DDX11: variants seen among roughly 807,000 people sequenced by gnomAD.
DDX11 encodes the protein DEAD/H-box helicase 11, also known as ATP-dependent DNA helicase DDX11.
A neutral mutation model predicts 125.2 loss-of-function variants in DDX11; 72 were observed. The observed-to-expected ratio is 0.58, with a 90% CI of 0.48 to 0.70. The LOEUF (loss-of-function observed/expected upper bound fraction) is 0.70. Among genes scored for constraint, DDX11 ranks in the 30% least tolerant of loss-of-function variants. The pLI, the probability that DDX11 is intolerant of heterozygous loss-of-function variation, is 0.00. For missense variants in DDX11, 883 were observed against 1,165.0 expected, an observed-to-expected ratio of 0.76 and a Z score of 3.52; for synonymous variants, 347 against 452.6, an observed-to-expected ratio of 0.77 and a Z score of 2.96.
rs749934019 is a variant in DDX11, at chr12:31,084,986, AAG to A, written c.504_505del (p.Asn169SerfsTer16). 11 of 1,609,118 alleles carry A rather than the reference AAG, an allele frequency of 6.8e-6. No individual in the cohort carries two copies. The highest frequency in any genetic ancestry group is 1.3e-5 in the African/African-American group (1 of 74,804). ...CTGTCCAGAGGCAGGAAGAAGAAGA[AAG>A]AGAGAATCTCCTCCGCCTCAGCAGG... ...AKRLRQEEEERENLLRLSREM... is the reference protein window; with the variant it reads ...AKRLRQEEEEXENLLRLSREM... On this transcript the variant is annotated frameshift_variant, in exon 5 of 27. Transcript: ENST00000542838. LOFTEE classifies it high-confidence loss of function.
At chr12:31,099,080 C>CTTTTTTTTTTTGTTTTTTTTT in intron 18 of DDX11, among the ~76,000 whole-genome samples, 1 of 81,320 alleles carries the variant, frequency 1.2e-5, no homozygotes, top group African/African-American at 6.3e-5. Context: ...TTCTTTCTTT[C>CTTTTTTTTTTTGTTTTTTTTT]TTTCTTTTTT....
At chr12:31,077,112 A>G (rs1328569475) in intron 1 of DDX11, 1 of 152,112 alleles carries the variant, frequency 6.6e-6, no homozygotes, top group Non-Finnish European at 1.5e-5. Flanking sequence ...ATATTAGTAA[A>G]ATGGGTTTGG....
At chr12:31,100,602 A>G in intron 18 of DDX11, 33 bp from the exon 19 acceptor site, 2 of 1,549,282 alleles carry the variant, frequency 1.3e-6, no homozygotes, top group Non-Finnish European at 1.7e-6. Flanking sequence ...CTGAGGGGTC[A>G]TGGGGCCGTG....
chr12:31,080,250 C>T (rs1345435235), intron 2 of DDX11, among the ~76,000 whole-genome samples: 3 of 150,952 alleles, frequency 2.0e-5, no homozygotes, highest in South Asian at 2.1e-4. Flanking sequence ...CAGGTACAGA[C>T]GCTGAAGCCC....
rs1467965765 is a variant in DDX11, at chr12:31,099,080, C to CTT, written c.1875+1085_1875+1086dup. ...AATCCATACTGGTATTTCTTTCTTT[C>CTT]TTTCTTTTTTTTTTTTTTTTTTTTT... On this transcript the variant is annotated intron_variant, in intron 18 of 26. Coordinates refer to ENST00000542838, the MANE Select transcript of DDX11 (RefSeq NM_030653.4). Among the ~76,000 whole-genome samples, 673 of 81,054 alleles carry CTT rather than the reference C, an allele frequency of 8.3e-3. 79 individuals carry two copies. Among genetic ancestry groups the CTT allele is most frequent in the South Asian group, 0.04 (90 of 2,260 alleles). The allele number at this position is 81,054 out of a possible 152,430, so 53.2% of individuals were successfully genotyped here.
rs1426581828 is a variant in DDX11, at chr12:31,085,036, A to G, written c.548A>G (p.Glu183Gly). ...AGGGAGATGCTAGAGACAGGCCCGG[A>G]GGCTGAGCGGCTGGAGCAGCTGGAG... is the stretch of plus-strand genomic sequence containing the variant. ...LSREMLETGP[E>G]AERLEQLESG... is the part of the protein sequence containing the mutation. The change falls in exon 5 of 27, where the codon GAG becomes GGG. Residue 183 changes from glutamate (E) to glycine (G), a missense_variant. Coordinates refer to ENST00000542838, the MANE Select transcript of DDX11 (RefSeq NM_030653.4). 6.2e-7 allele frequency: 1 copy of G among 1,611,804 alleles called. No homozygotes were observed. Among genetic ancestry groups the G allele is most frequent in the Admixed American group, 1.7e-5 (1 of 59,768 alleles).
At position 31,085,009 on chromosome 12, in the gene DDX11, G is replaced by T; in HGVS notation, c.521G>T (p.Ser174Ile). 1 of 1,611,326 alleles carries T rather than the reference G, an allele frequency of 6.2e-7. No homozygotes were observed. The highest frequency in any genetic ancestry group is 8.5e-7 in the Non-Finnish European group (1 of 1,178,614). ...EEERENLLRL[S>I]REMLETGPEA... Reference sequence around the variant, plus strand: ...GAAAGAGAGAATCTCCTCCGCCTCAGCAGGGAGATGCTAGAGACAGGCCCG... The same window carrying T: ...GAAAGAGAGAATCTCCTCCGCCTCATCAGGGAGATGCTAGAGACAGGCCCG... Residue 174 changes from serine (S) to isoleucine (I), a missense_variant, in exon 5 of 27, where the codon AGC becomes ATC. Physicochemically the swap from Ser to Ile is moderately radical, Grantham distance 142. Transcript: ENST00000542838.
intron 2 of DDX11, among the ~76,000 whole-genome samples, chr12:31,081,078 C>T (rs1941827665): frequency 6.6e-6 from 1 of 152,226 alleles, no homozygotes; most frequent in Non-Finnish European, 1.5e-5. Context: ...AACCCATCTT[C>T]TCCCTCTCAG....
At chr12:31,080,650 A>G (rs1941731936) in intron 2 of DDX11, among the ~76,000 whole-genome samples, 1 of 151,758 alleles carries the variant, frequency 6.6e-6, no homozygotes, top group South Asian at 2.1e-4. Flanking sequence ...CCTAAAACAT[A>G]TTACTCCTTC....
rs748004938 is a variant in DDX11 at position 31,103,562 on chromosome 12, T to C, written c.2537-15T>C. 50 of 1,613,702 alleles carry C rather than the reference T, an allele frequency of 3.1e-5. 1 individual carries two copies. In the Middle Eastern group the frequency reaches 1.8e-3, roughly 58 times the overall value. ...GCAGGTGTTGCTCGGAGCCCCAGCC[T>C]CTGTTCCTATGCAGGCAGGGCCATC... is the stretch of plus-strand genomic sequence containing the variant. On this transcript the variant is annotated splice_polypyrimidine_tract_variant and intron_variant, in intron 25 of 26. Transcript: ENST00000542838.
chr12:31,102,478 G>C lies in DDX11; in HGVS notation c.2323G>C (p.Val775Leu). 1 of 1,614,086 alleles carries C rather than the reference G, an allele frequency of 6.2e-7. No individual in the cohort carries two copies. Among genetic ancestry groups the C allele is most frequent in the East Asian group, 2.2e-5 (1 of 44,872 alleles). ...QVTGALLLSV[V>L]GGKMSEGINF... Reference sequence around the variant, plus strand: ...GACAGGGGCCCTGCTCCTCTCTGTGGTTGGAGGAAAGATGAGTGAAGGGAT... The same window carrying C: ...GACAGGGGCCCTGCTCCTCTCTGTGCTTGGAGGAAAGATGAGTGAAGGGAT... Residue 775 changes from valine (V) to leucine (L), a missense_variant, in exon 23 of 27, where the codon GTT becomes CTT. Physicochemically the swap from Val to Leu is conservative, Grantham distance 32. Coordinates refer to ENST00000542838, the MANE Select transcript of DDX11 (RefSeq NM_030653.4).
Position 31,093,444 on chromosome 12 carries a change from G to A in DDX11, c.1369+120G>A, listed in dbSNP as rs542208103. ...TTTTTAAGAAGGGTCGGCCGGGTGC[G>A]GTGGCTCACGCCTGTAATCCCAGCA... On this transcript the variant is annotated intron_variant, in intron 12 of 26. Coordinates refer to ENST00000542838, the MANE Select transcript of DDX11 (RefSeq NM_030653.4). The A allele has an allele frequency of 4.5e-5, 60 of 1,341,842 alleles. No individual in the cohort carries two copies. The African/African-American group carries it at 5.2e-4, about 12-fold the overall frequency. 83.1% of individuals were successfully genotyped at this position (1,341,842 alleles called of 1,614,324 possible). A position where few individuals can be genotyped will look rare whatever the true frequency, so the allele number is the denominator to read the frequency against.
intron 13 of DDX11, 54 bp downstream of exon 13, chr12:31,094,688 T>C (rs1944907492): frequency 1.9e-6 from 3 of 1,551,094 alleles, no homozygotes; most frequent in African/African-American, 2.7e-5. Context: ...CTTCCGAGCT[T>C]AACCCTGGGA....
intron 17 of DDX11, 24 bp downstream of exon 17, chr12:31,097,014 G>A (rs747587361): frequency 1.2e-6 from 2 of 1,612,850 alleles, no homozygotes; most frequent in Non-Finnish European, 1.7e-6. Flanking sequence ...TCTTGGCCAG[G>A]TTCAGTTCCC....
chr12:31,100,801 G>T, intron 19 of DDX11, 94 bp downstream of exon 19: 1 of 1,417,390 alleles, frequency 7.1e-7, no homozygotes, highest in South Asian at 1.2e-5. Context: ...CAGGCACAGG[G>T]GCGGAGGAGA....
At chr12:31,076,993 C>G (rs2140381463) in intron 1 of DDX11, 1 of 152,948 alleles carries the variant, frequency 6.5e-6, no homozygotes, top group East Asian at 1.9e-4. Context: ...TTTTAATTGC[C>G]CCTAAACCGA....
At chr12:31,102,906 A>G (rs1946646604) in intron 23 of DDX11, 30 bp from the exon 24 acceptor site, 1 of 1,611,764 alleles carries the variant, frequency 6.2e-7, no homozygotes, top group Non-Finnish European at 8.5e-7. Context: ...CCTGACGTCC[A>G]CCTGCTGGGC....
intron 5 of DDX11, among the ~76,000 whole-genome samples, chr12:31,085,572 T>C (rs1942974225): frequency 6.6e-6 from 1 of 152,126 alleles, no homozygotes. Context: ...CCTTCTCCCA[T>C]AAAGCCTCTG....
At chr12:31,080,761 T>C (rs1408489880) in intron 2 of DDX11, among the ~76,000 whole-genome samples, 1 of 152,232 alleles carries the variant, frequency 6.6e-6, no homozygotes, top group Non-Finnish European at 1.5e-5. Flanking sequence ...TGTTTAATTT[T>C]AGAGACAGGG....
Sources: allele counts gnomAD v4.1 joint callset (sites outside exome capture counted in the v4.1 genomes callset), GRCh38; gene constraint gnomAD v4.1.1; transcripts MANE v1.5; gene names NCBI Gene and HGNC (gene_info 2026-07-23, HGNC 2026-07-21).